Variants in ELMO1 observed in about 807,000 individuals in gnomAD.
ELMO1 encodes the protein engulfment and cell motility 1.
ELMO1 carries 26 observed loss-of-function variants against 98.9 expected under a neutral mutation model. The ratio of observed to expected loss-of-function variants is 0.26; its 90% CI spans 0.19 to 0.36. The LOEUF (loss-of-function observed/expected upper bound fraction) is 0.36, where lower values mean the gene tolerates loss of function less well. ELMO1 is among the 10% of genes least tolerant of loss of function. The probability of loss-of-function intolerance (pLI) is 1.00; values close to 1 mark genes in which losing one functional copy is unlikely to be tolerated. For missense variants in ELMO1, 627 were observed against 935.2 expected, an observed-to-expected ratio of 0.67 and a Z score of 4.30; for synonymous variants, 346 against 346.0, an observed-to-expected ratio of 1.00 and a Z score of 0.00.
chr7:37,432,669 G>A (rs1422133599), intron 1 of ELMO1, among the ~76,000 whole-genome samples: 2 of 152,238 alleles, frequency 1.3e-5, no homozygotes, highest in African/African-American at 4.8e-5. Context: ...AACGAAATGT[G>A]GGTAACCACA....
At chr7:37,315,358 T>G (rs1293789871) in intron 3 of ELMO1, among the ~76,000 whole-genome samples, 1 of 152,200 alleles carries the variant, frequency 6.6e-6, no homozygotes, top group Non-Finnish European at 1.5e-5. Flanking sequence ...ACACTCCAAT[T>G]AAGTACTCTA....
chr7:37,317,261 C>T (rs561340555), intron 2 of ELMO1, among the ~76,000 whole-genome samples: 3 of 152,280 alleles, frequency 2.0e-5, no homozygotes, highest in South Asian at 4.1e-4. Context: ...GTTCAGTGTA[C>T]GGTGTCCCTC....
intron 16 of ELMO1, among the ~76,000 whole-genome samples, chr7:36,942,368 GA>G (rs1787117041): frequency 6.6e-6 from 1 of 152,118 alleles, no homozygotes; most frequent in Admixed American, 6.5e-5. Flanking sequence ...GCTATATCTA[GA>G]AAAACAAAAT....
intron 17 of ELMO1, among the ~76,000 whole-genome samples, chr7:36,890,468 T>C (rs1181272254): frequency 6.6e-6 from 1 of 152,146 alleles, no homozygotes; most frequent in East Asian, 1.9e-4. Context: ...GCTTCACATA[T>C]CCAAAGCCGA....
intron 16 of ELMO1, among the ~76,000 whole-genome samples, chr7:36,972,277 C>A (rs988613941): frequency 6.6e-6 from 1 of 152,316 alleles, no homozygotes; most frequent in African/African-American, 2.4e-5. Context: ...AAGGAGATAA[C>A]AACTCGTATC....
chr7:36,988,924 A>G (rs1791686842), intron 16 of ELMO1, among the ~76,000 whole-genome samples: 1 of 152,216 alleles, frequency 6.6e-6, no homozygotes, highest in South Asian at 2.1e-4. Context: ...ACACACCAAC[A>G]TAACCCAAGA....
At chr7:37,411,675 T>C (rs369713068) in intron 1 of ELMO1, among the ~76,000 whole-genome samples, 268 of 152,316 alleles carry the variant, frequency 1.8e-3, no homozygotes, top group Middle Eastern at 6.8e-3. Flanking sequence ...TATTGTTATG[T>C]TGAGAAAACT....
chr7:37,129,669 A>C (rs2551070), intron 14 of ELMO1, among the ~76,000 whole-genome samples: 42,806 of 151,962 alleles, frequency 0.28, 8,463 homozygotes, highest in African/African-American at 0.57. Flanking sequence ...CACTCCCACT[A>C]CCCTAGTTCA....
At chr7:37,333,436 C>T (rs1298430913) in intron 2 of ELMO1, among the ~76,000 whole-genome samples, 1 of 152,156 alleles carries the variant, frequency 6.6e-6, no homozygotes, top group African/African-American at 2.4e-5. Context: ...GGAAGTAGAA[C>T]AGAAGAGAAT....
At chr7:36,881,309 T>C (rs1326186868) in intron 18 of ELMO1, among the ~76,000 whole-genome samples, 2 of 152,170 alleles carry the variant, frequency 1.3e-5, no homozygotes, top group Non-Finnish European at 2.9e-5. Context: ...ATCAGCACAG[T>C]GCGTCGACAT....
chr7:37,184,849 T>C (rs1216201009), intron 13 of ELMO1, among the ~76,000 whole-genome samples: 1 of 151,916 alleles, frequency 6.6e-6, no homozygotes, highest in Non-Finnish European at 1.5e-5. Context: ...CAGTAAGCCA[T>C]GATCATGCCA....
At chr7:37,330,437 GT>G (rs1800042242) in intron 2 of ELMO1, among the ~76,000 whole-genome samples, 1 of 151,846 alleles carries the variant, frequency 6.6e-6, no homozygotes, top group Admixed American at 6.6e-5. Context: ...GTTGGTTTTT[GT>G]TTTGTTTCTT....
At chr7:37,149,123 C>A (rs1467268539) in intron 13 of ELMO1, among the ~76,000 whole-genome samples, 2 of 152,226 alleles carry the variant, frequency 1.3e-5, no homozygotes, top group Non-Finnish European at 1.5e-5. Flanking sequence ...CAAGCTGCAG[C>A]TGTTACACAT....
intron 13 of ELMO1, among the ~76,000 whole-genome samples, chr7:37,194,725 C>T (rs969981640): frequency 1.3e-5 from 2 of 152,190 alleles, no homozygotes; most frequent in African/African-American, 4.8e-5. Flanking sequence ...TCCAAATGCT[C>T]CCTATTCTTT....
intron 1 of ELMO1, among the ~76,000 whole-genome samples, chr7:37,376,829 C>A (rs182252281): frequency 6.6e-6 from 1 of 152,310 alleles, no homozygotes; most frequent in Non-Finnish European, 1.5e-5. Context: ...TTGGCTTTAT[C>A]TGTGTAGCAG....
chr7:37,412,297 T>C (rs1274484172), intron 1 of ELMO1, among the ~76,000 whole-genome samples: 1 of 152,210 alleles, frequency 6.6e-6, no homozygotes, highest in African/African-American at 2.4e-5. Flanking sequence ...AGGGCGTTTG[T>C]GGGGTCCTCC....
chr7:37,032,237 T>C (rs1183591419), intron 15 of ELMO1, among the ~76,000 whole-genome samples: 1 of 152,142 alleles, frequency 6.6e-6, no homozygotes, highest in Non-Finnish European at 1.5e-5. Flanking sequence ...TTTGCAGGCT[T>C]TATTGGCACC....
intron 13 of ELMO1, among the ~76,000 whole-genome samples, chr7:37,193,234 G>C (rs546124975): frequency 9.2e-5 from 14 of 151,812 alleles, no homozygotes. Flanking sequence ...TTCTTGGTGA[G>C]GGGGGAGGCT....
intron 16 of ELMO1, among the ~76,000 whole-genome samples, chr7:36,994,308 C>T (rs1423887563): frequency 6.6e-6 from 1 of 152,168 alleles, no homozygotes; most frequent in Non-Finnish European, 1.5e-5. Context: ...TGTAATTTTT[C>T]CTTTGCATTC....
Sources: gnomAD v4.1 joint callset for allele counts (sites outside exome capture counted in the v4.1 genomes callset) on GRCh38, gnomAD v4.1.1 for gene constraint, MANE v1.5 for transcripts, NCBI Gene and HGNC (gene_info 2026-07-23, HGNC 2026-07-21) for gene names.